Variants in ADGRD1 observed in about 807,000 individuals in gnomAD.
The protein encoded by ADGRD1 is adhesion G protein-coupled receptor D1, also known as G-protein coupled receptor 133.
A neutral mutation model predicts 113.4 loss-of-function variants in ADGRD1; 77 were observed. The observed-to-expected ratio is 0.68, with a 90% CI of 0.57 to 0.82. The LOEUF (loss-of-function observed/expected upper bound fraction) is 0.82. Among genes scored for constraint, ADGRD1 ranks in the 40% least tolerant of loss-of-function variants. ADGRD1 has a pLI of 0.00. For synonymous variants in ADGRD1, 474 were observed against 475.0 expected, an observed-to-expected ratio of 1.00 and a Z score of 0.03; for missense variants, 1,036 against 1,139.1, an observed-to-expected ratio of 0.91 and a Z score of 1.30.
At chr12:131,077,476 C>T (rs890394797) in intron 14 of ADGRD1, among the ~76,000 whole-genome samples, 3 of 152,226 alleles carry the variant, frequency 2.0e-5, no homozygotes, top group African/African-American at 7.2e-5. Flanking sequence ...GCCTCCACGG[C>T]TCACCTGCCC....
intron 21 of ADGRD1, among the ~76,000 whole-genome samples, chr12:131,133,558 G>C (rs779408411): frequency 6.6e-6 from 1 of 152,190 alleles, no homozygotes; most frequent in Non-Finnish European, 1.5e-5. Flanking sequence ...TCCCACCTGC[G>C]TCTGCACCTG....
At chr12:131,126,943 ATTTTCATGAAATG>A (rs1339574052) in intron 20 of ADGRD1, among the ~76,000 whole-genome samples, 3 of 152,022 alleles carry the variant, frequency 2.0e-5, no homozygotes, top group Non-Finnish European at 4.4e-5. Flanking sequence ...TCTGTATTAT[ATTTTCATGAAATG>A]TCAGATTTGT....
In ADGRD1 at chr12:130,987,136, GA is replaced by G. The variant is rs1205615552; in HGVS notation, c.533del (p.Glu178GlyfsTer3). 3 of 1,613,814 alleles carry G rather than the reference GA, an allele frequency of 1.9e-6. No individual in the cohort carries two copies. The African/African-American group carries it at 4.0e-5, about 22-fold the overall frequency. On this transcript the variant is annotated frameshift_variant, in exon 6 of 25. Coordinates refer to ENST00000261654, the MANE Select transcript of ADGRD1 (RefSeq NM_198827.5). LOFTEE classifies it high-confidence loss of function. ...THVLFTWKSK[E>X]GLKVYVNGTL... ...TGTCCTATTTACATGGAAATCCAAG[GA>G]GGGCCTGAAAGTCTACGTCAACGGG...
At chr12:131,043,144 C>T (rs1348057669) in intron 13 of ADGRD1, among the ~76,000 whole-genome samples, 1 of 152,206 alleles carries the variant, frequency 6.6e-6, no homozygotes, top group Non-Finnish European at 1.5e-5. Context: ...GGGAGCGAGA[C>T]AGGCCAGGGT....
At chr12:130,959,779 A>T (rs1260534737) in intron 2 of ADGRD1, among the ~76,000 whole-genome samples, 2 of 152,180 alleles carry the variant, frequency 1.3e-5, no homozygotes, top group Non-Finnish European at 2.9e-5. Flanking sequence ...GAGGTGTTTC[A>T]TTTTGTAAGT....
rs1237184490 is a variant in ADGRD1 at position 131,096,150 on chromosome 12, TTTTG to T, written c.1672-8673_1672-8670del. Among the ~76,000 whole-genome samples the T allele has an allele frequency of 6.6e-6, 1 of 152,222 alleles. No individual in the cohort carries two copies. Among genetic ancestry groups the T allele is most frequent in the Non-Finnish European group, 1.5e-5 (1 of 68,048 alleles). ...GGCCCCGCTTTGCTCTTTGTTCTTT[TTTTG>T]TTTGTTTTTAAAATTTTCTGTACCT... On this transcript the variant is annotated intron_variant, in intron 15 of 24. Transcript: ENST00000261654. This position sits in a 1 kb window ranked among gnomAD's most constrained non-coding sequence, Gnocchi z 5.2.
intron 17 of ADGRD1, among the ~76,000 whole-genome samples, chr12:131,107,633 A>G (rs1012124005): frequency 6.6e-6 from 1 of 152,210 alleles, no homozygotes; most frequent in African/African-American, 2.4e-5. Context: ...ATGGGAGAGG[A>G]TGATTGTAAT....
chr12:131,119,543 C>T (rs911792995), intron 19 of ADGRD1, among the ~76,000 whole-genome samples: 3 of 152,248 alleles, frequency 2.0e-5, no homozygotes, highest in Non-Finnish European at 4.4e-5. Context: ...TAATACAAGC[C>T]TTTTCCCACA....
At chr12:131,106,211 G>A (rs533915178) in intron 17 of ADGRD1, among the ~76,000 whole-genome samples, 24 of 152,304 alleles carry the variant, frequency 1.6e-4, no homozygotes, top group African/African-American at 5.1e-4. Flanking sequence ...TGGGGCACAG[G>A]GCTCACAGTC....
rs1476385490 is a variant in ADGRD1 at position 131,014,249 on chromosome 12, A to C, written c.1382A>C (p.His461Pro). The change falls in exon 13 of 25, where the codon CAC (histidine) becomes CCC (proline). Residue 461 changes from histidine to proline, a missense_variant. Transcript: ENST00000261654. The part of the protein sequence containing the change: ...HQDCLLFATS[H>P]LISLEVSPPP... ...GACTGCCTGCTGTTCGCCACCAGCC[A>C]CCTGATTTCCCTGGAGGTGTCCCCA... 4 of 1,613,958 alleles carry C rather than the reference A, an allele frequency of 2.5e-6. No individual in the cohort carries two copies. The highest frequency in any genetic ancestry group is 2.5e-6 in the Non-Finnish European group (3 of 1,179,978).
Position 131,136,091 on chromosome 12 carries a change from C to T in ADGRD1, c.2322C>T (p.Val774=). The T allele has an allele frequency of 6.2e-7, 1 of 1,614,234 alleles. No homozygotes were observed. Among genetic ancestry groups the T allele is most frequent in the South Asian group, 1.1e-5 (1 of 91,088 alleles). ...VLLPILGTSW[V]FGVLAVNGCA... is the part of the protein sequence containing the mutation. ...TGCCCATCCTGGGTACCTCGTGGGT[C>T]TTTGGCGTGCTTGCTGTCAACGGTT... is the stretch of plus-strand genomic sequence containing the variant. Residue 774 remains valine, a synonymous_variant, in exon 22 of 25, where the codon GTC becomes GTT. Transcript: ENST00000261654.
intron 18 of ADGRD1, among the ~76,000 whole-genome samples, chr12:131,109,114 C>T (rs1023283452): frequency 6.6e-6 from 1 of 152,226 alleles, no homozygotes; most frequent in African/African-American, 2.4e-5. Flanking sequence ...GGAGAATCCA[C>T]TGGCTAATCA....
In ADGRD1 at chr12:131,113,834, CCT is replaced by C. The variant is rs1173914935; in HGVS notation, c.2042-4548_2042-4547del. Among the ~76,000 whole-genome samples, 1 of 152,222 alleles carries C rather than the reference CCT, an allele frequency of 6.6e-6. No homozygotes were observed. The highest frequency in any genetic ancestry group is 1.5e-5 in the Non-Finnish European group (1 of 68,046). On this transcript the variant is annotated intron_variant, in intron 18 of 24. Coordinates refer to ENST00000261654, the MANE Select transcript of ADGRD1 (RefSeq NM_198827.5). The surrounding 1 kb of genome is among the most constrained non-coding windows in gnomAD (Gnocchi z 4.9). ...GTCACGCATGACCTGCTTCTTCAGG[CCT>C]CTGTGACGCCCCAGAGAGGAGAGCT...
At chr12:130,975,603 G>A (rs1474904707) in intron 4 of ADGRD1, among the ~76,000 whole-genome samples, 1 of 152,150 alleles carries the variant, frequency 6.6e-6, no homozygotes, top group Non-Finnish European at 1.5e-5. Context: ...AAATGAAAGG[G>A]AACTGATTGC....
intron 24 of ADGRD1, among the ~76,000 whole-genome samples, chr12:131,138,922 G>A (rs113366163): frequency 3.9e-5 from 6 of 152,154 alleles, no homozygotes; most frequent in East Asian, 1.9e-4. Flanking sequence ...GGGAGTGAGC[G>A]CTCAGCACAG....
intron 6 of ADGRD1, chr12:130,989,120 C>A (rs550679384): frequency 6.6e-6 from 1 of 152,348 alleles, no homozygotes; most frequent in South Asian, 2.1e-4. Context: ...TCTCCTAGCA[C>A]TGACAGAGGG....
In ADGRD1 at chr12:131,133,851, CT is replaced by C. The variant is rs1951000556; in HGVS notation, c.2267+2036del. Among the ~76,000 whole-genome samples, 6 of 152,190 alleles carry C rather than the reference CT, an allele frequency of 3.9e-5. 1 individual carries two copies. The South Asian group carries it at 1.0e-3, about 26-fold the overall frequency. ...GTGAGGAAGCTTCCCCAGCACCTTG[CT>C]ATTCTTCATCCTCTGGTTTTATTCT... On this transcript the variant is annotated intron_variant, in intron 21 of 24. Transcript: ENST00000261654.
At chr12:131,015,518 A>G (rs192330549) in intron 13 of ADGRD1, among the ~76,000 whole-genome samples, 2 of 126,084 alleles carry the variant, frequency 1.6e-5, no homozygotes, top group Non-Finnish European at 3.3e-5. Context: ...TGATGGAGAT[A>G]GAGATGGAAA....
intron 13 of ADGRD1, chr12:131,025,626 T>G (rs1879852910): frequency 6.6e-6 from 1 of 152,046 alleles, no homozygotes. Context: ...CACTGCAACT[T>G]CTACCTCCTG....
Sources: gnomAD v4.1 joint callset for allele counts (sites outside exome capture counted in the v4.1 genomes callset) on GRCh38, gnomAD v4.1.1 for gene constraint, Gnocchi (gnomAD v3.1) non-coding constraint, MANE v1.5 for transcripts, NCBI Gene and HGNC (gene_info 2026-07-23, HGNC 2026-07-21) for gene names.